Variants in XRCC4 observed in about 807,000 individuals in gnomAD.
XRCC4 encodes DNA repair protein XRCC4.
XRCC4 carries 28 observed loss-of-function variants against 39.1 expected under a neutral mutation model. The observed-to-expected ratio is 0.72, with a 90% CI of 0.53 to 0.98. XRCC4 has a LOEUF of 0.98. Ranked by LOEUF, XRCC4 falls within the 50% of genes least tolerant of loss-of-function variation. The pLI is 0.00. For missense variants in XRCC4, 350 were observed against 376.4 expected, an observed-to-expected ratio of 0.93 and a Z score of 0.58; for synonymous variants, 123 against 126.4, an observed-to-expected ratio of 0.97 and a Z score of 0.18.
At chr5:83,133,544 G>A (rs922403873) in intron 3 of XRCC4, among the ~76,000 whole-genome samples, 15 of 152,182 alleles carry the variant, frequency 9.9e-5, no homozygotes, top group South Asian at 2.1e-4. Flanking sequence ...CACCCAGTTC[G>A]AGCTTTCTGG....
chr5:83,219,850 C>A (rs1752013495), intron 6 of XRCC4, among the ~76,000 whole-genome samples: 1 of 151,920 alleles, frequency 6.6e-6, no homozygotes, highest in Non-Finnish European at 1.5e-5. Context: ...TATTCTTTTT[C>A]TTTTTCCTTT....
chr5:83,127,365 G>A (rs749306846), intron 3 of XRCC4, among the ~76,000 whole-genome samples: 9 of 152,022 alleles, frequency 5.9e-5, no homozygotes, highest in Non-Finnish European at 8.8e-5. Context: ...AATTATGGGG[G>A]CAGTTTCCCA....
chr5:83,180,988 C>T (rs536869916), intron 3 of XRCC4, among the ~76,000 whole-genome samples: 2 of 149,586 alleles, frequency 1.3e-5, no homozygotes, highest in East Asian at 3.9e-4. Context: ...TTCTACAAAC[C>T]TTATAATGAA....
At chr5:83,246,211 C>T (rs1281505368) in intron 6 of XRCC4, among the ~76,000 whole-genome samples, 1 of 151,874 alleles carries the variant, frequency 6.6e-6, no homozygotes, top group African/African-American at 2.4e-5. Context: ...TTCTTCTTTT[C>T]TACTTTTCCA....
the XRCC4 span, among the ~76,000 whole-genome samples, chr5:83,374,292 T>C: frequency 7.2e-5 from 11 of 152,200 alleles, no homozygotes; most frequent in Non-Finnish European, 1.3e-4. Flanking sequence ...ACTGTTCTCA[T>C]GGTAGTGAAT....
chr5:83,294,798 A>G (rs1755038713), intron 7 of XRCC4, among the ~76,000 whole-genome samples: 1 of 152,064 alleles, frequency 6.6e-6, no homozygotes, highest in African/African-American at 2.4e-5. Context: ...ATGTATTACT[A>G]GTTCATGTAA....
intron 3 of XRCC4, among the ~76,000 whole-genome samples, chr5:83,112,777 C>CAT (rs28745304): frequency 0.41 from 62,842 of 151,820 alleles, 13,508 homozygotes; most frequent in African/African-American, 0.49. Context: ...CATTAGATCT[C>CAT]ATGAGACTTA....
chr5:83,193,137 T>C (rs532787306), intron 3 of XRCC4, among the ~76,000 whole-genome samples: 1 of 152,288 alleles, frequency 6.6e-6, no homozygotes, highest in East Asian at 1.9e-4. Flanking sequence ...CTTTTTGAAG[T>C]CCAGTGCATC....
chr5:83,245,857 A>G (rs763542615), intron 6 of XRCC4, among the ~76,000 whole-genome samples: 54 of 137,508 alleles, frequency 3.9e-4, no homozygotes, highest in Non-Finnish European at 7.3e-4. Context: ...TGTACTTTTA[A>G]TACCTCTCTC....
chr5:83,296,384 A>G (rs1755094572), intron 7 of XRCC4, among the ~76,000 whole-genome samples: 1 of 152,140 alleles, frequency 6.6e-6, no homozygotes, highest in South Asian at 2.1e-4. Flanking sequence ...TAATTATGAC[A>G]GTCTTGCATA....
intron 3 of XRCC4, among the ~76,000 whole-genome samples, chr5:83,121,641 C>T (rs1411639383): frequency 6.6e-6 from 1 of 152,042 alleles, no homozygotes; most frequent in Non-Finnish European, 1.5e-5. Context: ...TCTTCATATC[C>T]TTAACAGATA....
At chr5:83,249,285 G>A (rs151124987) in intron 6 of XRCC4, among the ~76,000 whole-genome samples, 2 of 152,040 alleles carry the variant, frequency 1.3e-5, no homozygotes, top group Non-Finnish European at 2.9e-5. Context: ...TGACCATTTG[G>A]TATAGATTTT....
At chr5:83,229,585 G>T (rs1233880122) in intron 6 of XRCC4, among the ~76,000 whole-genome samples, 1 of 148,820 alleles carries the variant, frequency 6.7e-6, no homozygotes, top group African/African-American at 2.5e-5. Context: ...AGATAAATTT[G>T]AACTAGAGAA....
At chr5:83,359,586 A>G in the XRCC4 span, among the ~76,000 whole-genome samples, 1 of 152,116 alleles carries the variant, frequency 6.6e-6, no homozygotes, top group African/African-American at 2.4e-5. Flanking sequence ...ACCAATTCTG[A>G]TATACACATA....
chr5:83,090,011 A>G (rs1745349981), intron 1 of XRCC4, among the ~76,000 whole-genome samples: 1 of 152,116 alleles, frequency 6.6e-6, no homozygotes, highest in Non-Finnish European at 1.5e-5. Flanking sequence ...TAGCACCATG[A>G]TGTGTTCACC....
chr5:83,162,955 T>TC (rs1554060094), intron 3 of XRCC4, among the ~76,000 whole-genome samples: 5 of 146,524 alleles, frequency 3.4e-5, no homozygotes, highest in Admixed American at 1.4e-4. Context: ...TTTCTTTCTT[T>TC]TTTTTTTTTG....
chr5:83,213,721 T>C lies in XRCC4; in HGVS notation c.745+8800T>C, dbSNP rs111972710. ...TTCCCAACTCATTTTGTGAGGCCGA[T>C]ATTATCATAATATCAAAGCCAGACA... On this transcript the variant is annotated intron_variant, in intron 6 of 7. Coordinates refer to ENST00000396027, the MANE Select transcript of XRCC4 (RefSeq NM_003401.5). Among the ~76,000 whole-genome samples, 1,399 of 152,276 alleles carry C rather than the reference T, an allele frequency of 9.2e-3. 18 individuals are homozygous for C. The highest frequency in any genetic ancestry group is 0.032 in the African/African-American group (1,314 of 41,558).
At chr5:83,169,873 A>C (rs1749645518) in intron 3 of XRCC4, among the ~76,000 whole-genome samples, 2 of 152,232 alleles carry the variant, frequency 1.3e-5, no homozygotes, top group South Asian at 4.1e-4. Flanking sequence ...ATTTCAAAAG[A>C]GTAAGCAGTT....
chr5:83,198,912 A>G (rs1248131199), intron 4 of XRCC4, among the ~76,000 whole-genome samples: 2 of 152,140 alleles, frequency 1.3e-5, no homozygotes, highest in African/African-American at 2.4e-5. Context: ...GTTACTGGCT[A>G]TATTTATTTC....
Sources: allele counts gnomAD v4.1 joint callset (sites outside exome capture counted in the v4.1 genomes callset), GRCh38; gene constraint gnomAD v4.1.1; transcripts MANE v1.5; gene names NCBI Gene and HGNC (gene_info 2026-07-23, HGNC 2026-07-21).